SGCZ: variants seen among roughly 807,000 people sequenced by gnomAD.
SGCZ encodes zeta-sarcoglycan.
A neutral mutation model predicts 41.3 loss-of-function variants in SGCZ; 40 were observed. That is an observed-to-expected ratio of 0.97 (90% CI 0.75 to 1.26). The LOEUF (loss-of-function observed/expected upper bound fraction) is 1.26. SGCZ is among the 50% of genes most tolerant of loss of function. The probability of loss-of-function intolerance (pLI) is 0.00; values close to 1 mark genes in which losing one functional copy is unlikely to be tolerated. For missense variants in SGCZ, 552 were observed against 369.8 expected (o/e 1.49, Z -4.04); for synonymous variants, 206 against 137.5 (o/e 1.50, Z -3.49).
At chr8:14,967,945 T>C (rs1801173618) in intron 1 of SGCZ, among the ~76,000 whole-genome samples, 1 of 152,146 alleles carries the variant, frequency 6.6e-6, no homozygotes, top group Non-Finnish European at 1.5e-5. Context: ...GCAAATTATT[T>C]TCACATATAA....
intron 1 of SGCZ, among the ~76,000 whole-genome samples, chr8:14,975,788 T>G (rs1801448371): frequency 3.4e-5 from 3 of 88,520 alleles, no homozygotes; most frequent in Non-Finnish European, 6.3e-5. Flanking sequence ...TTTTTCCACT[T>G]TTATATATAT....
intron 1 of SGCZ, among the ~76,000 whole-genome samples, chr8:15,011,772 T>A (rs1322014136): frequency 6.6e-6 from 1 of 152,172 alleles, no homozygotes; most frequent in Non-Finnish European, 1.5e-5. Flanking sequence ...CTCTAAAATG[T>A]TTATTGTATG....
intron 1 of SGCZ, among the ~76,000 whole-genome samples, chr8:14,610,504 A>T (rs191733103): frequency 1.3e-5 from 2 of 152,156 alleles, no homozygotes; most frequent in East Asian, 3.9e-4. Context: ...TTGGGTCTCA[A>T]GAACCCTCTT....
intron 1 of SGCZ, among the ~76,000 whole-genome samples, chr8:14,647,631 A>G (rs776113022): frequency 6.6e-6 from 1 of 152,086 alleles, no homozygotes; most frequent in Non-Finnish European, 1.5e-5. Flanking sequence ...TAATATTAAA[A>G]CATAGAATAA....
chr8:14,229,341 A>G (rs1806481497), intron 4 of SGCZ, among the ~76,000 whole-genome samples: 1 of 152,058 alleles, frequency 6.6e-6, no homozygotes. Context: ...TTCAGACATA[A>G]TTCTCATTAC....
chr8:14,477,674 TA>T (rs1801400198), intron 2 of SGCZ, among the ~76,000 whole-genome samples: 1 of 152,216 alleles, frequency 6.6e-6, no homozygotes, highest in Admixed American at 6.5e-5. Context: ...TCTAACTTTC[TA>T]AACATAAATT....
rs1320389400 is a variant in SGCZ at position 14,087,376 on chromosome 8, C to T, written c.*3067G>A. ...ATAATGTGTCCTCTTTGCATCTTTC[C>T]TTTTGTGATCCCCCAAACCTGAATT... On this transcript the variant is annotated 3_prime_UTR_variant, in exon 8 of 8. Transcript: ENST00000382080. 6.6e-6 allele frequency among the ~76,000 whole-genome samples: 1 copy of T among 151,356 alleles called. No individual in the cohort carries two copies. Among genetic ancestry groups the T allele is most frequent in the East Asian group, 2.0e-4 (1 of 5,120 alleles).
chr8:15,085,091 C>T (rs146213388), intron 1 of SGCZ, among the ~76,000 whole-genome samples: 5 of 152,212 alleles, frequency 3.3e-5, no homozygotes, highest in African/African-American at 1.2e-4. Context: ...AGTCAATTAT[C>T]CTGGCTTTGA....
At chr8:15,039,498 G>A (rs1404459272) in intron 1 of SGCZ, among the ~76,000 whole-genome samples, 3 of 152,116 alleles carry the variant, frequency 2.0e-5, no homozygotes, top group Non-Finnish European at 4.4e-5. Flanking sequence ...AAAATCAAAG[G>A]ATGCAAAATG....
chr8:14,603,466 G>C (rs1805655928), intron 1 of SGCZ, among the ~76,000 whole-genome samples: 1 of 151,500 alleles, frequency 6.6e-6, no homozygotes, highest in African/African-American at 2.4e-5. Flanking sequence ...ACTTTATTAA[G>C]ATACCACCAA....
rs564116642 is a variant in SGCZ, at chr8:14,708,740, C to T, written c.40-153814G>A. Reference sequence around the variant, plus strand: ...TTTTATCATAATAGAAGAATATATGCGTTTTTTAATGGAACAAGATTCTAT... The same window carrying T: ...TTTTATCATAATAGAAGAATATATGTGTTTTTTAATGGAACAAGATTCTAT... On this transcript the variant is annotated intron_variant, in intron 1 of 7. Transcript: ENST00000382080. Among the ~76,000 whole-genome samples, 5 of 150,956 alleles carry T rather than the reference C, an allele frequency of 3.3e-5. No homozygotes were observed. In the South Asian group the frequency reaches 1.0e-3, roughly 32 times the overall value.
At chr8:14,784,569 T>C (rs1450360251) in intron 1 of SGCZ, among the ~76,000 whole-genome samples, 11 of 151,946 alleles carry the variant, frequency 7.2e-5, no homozygotes, top group Non-Finnish European at 1.3e-4. Flanking sequence ...AGATCTGCCA[T>C]ATGAAACTCC....
intron 2 of SGCZ, among the ~76,000 whole-genome samples, chr8:14,374,161 T>G (rs77323560): frequency 0.075 from 11,396 of 152,108 alleles, 739 homozygotes; most frequent in African/African-American, 0.17. Flanking sequence ...GCCAATCACT[T>G]GAGTCCAGGA....
At chr8:14,122,155 T>G (rs977876633) in intron 5 of SGCZ, among the ~76,000 whole-genome samples, 5 of 152,264 alleles carry the variant, frequency 3.3e-5, no homozygotes, top group Non-Finnish European at 7.4e-5. Flanking sequence ...CAGGCGCCTG[T>G]AGTCCCAGCT....
chr8:14,520,587 T>C (rs1424322835), intron 2 of SGCZ, among the ~76,000 whole-genome samples: 1 of 152,066 alleles, frequency 6.6e-6, no homozygotes, highest in South Asian at 2.1e-4. Flanking sequence ...GAAAAAATAA[T>C]TGCCATATAA....
intron 1 of SGCZ, among the ~76,000 whole-genome samples, chr8:14,743,298 A>T (rs530801458): frequency 1.6e-4 from 25 of 152,004 alleles, no homozygotes; most frequent in Non-Finnish European, 3.1e-4. Flanking sequence ...AAATAACCAT[A>T]TTTTACCTTT....
intron 2 of SGCZ, among the ~76,000 whole-genome samples, chr8:14,475,820 C>T (rs958959866): frequency 2.6e-5 from 4 of 152,042 alleles, no homozygotes; most frequent in Non-Finnish European, 5.9e-5. Context: ...TGAATATACA[C>T]ATTGTGATAG....
chr8:15,082,443 A>AGT lies in SGCZ; in HGVS notation c.39+155140_39+155141dup, dbSNP rs71209102. Among the ~76,000 whole-genome samples, 547 of 149,578 alleles carry AGT rather than the reference A, an allele frequency of 3.7e-3. 7 individuals carry two copies. The highest frequency in any genetic ancestry group is 0.013 in the African/African-American group (518 of 40,696). ...ATATATGTGTGTGTGTATATCTCTA[A>AGT]GTGTGTGTGTGTGTATAAAACTGTT... On this transcript the variant is annotated intron_variant, in intron 1 of 7. Coordinates refer to ENST00000382080, the MANE Select transcript of SGCZ (RefSeq NM_139167.4).
intron 1 of SGCZ, among the ~76,000 whole-genome samples, chr8:14,840,667 C>T (rs1802871236): frequency 6.6e-6 from 1 of 152,048 alleles, no homozygotes; most frequent in African/African-American, 2.4e-5. Context: ...GAGCATGAAA[C>T]ATCAATTGAG....
Sources: gnomAD v4.1 joint callset for allele counts (sites outside exome capture counted in the v4.1 genomes callset) on GRCh38, gnomAD v4.1.1 for gene constraint, MANE v1.5 for transcripts, NCBI Gene and HGNC (gene_info 2026-07-23, HGNC 2026-07-21) for gene names.